The following GTF2A2 variants were observed in gnomAD, a reference collection of about 807,000 sequenced individuals.
GTF2A2 encodes transcription initiation factor IIA subunit 2.
In GTF2A2, 9 loss-of-function variants were observed where a neutral mutation model predicts 14.3. That is an observed-to-expected ratio of 0.63 (90% CI 0.38 to 1.10). GTF2A2 has a LOEUF of 1.10. GTF2A2 is among the 50% of genes least tolerant of loss of function. GTF2A2 has a pLI of 0.01. For synonymous variants in GTF2A2, 56 were observed against 46.0 expected, an observed-to-expected ratio of 1.22 and a Z score of -0.88; for missense variants, 90 against 124.6, an observed-to-expected ratio of 0.72 and a Z score of 1.32.
At position 59,652,240 on chromosome 15, in the gene GTF2A2, T is replaced by C. The variant is rs1485941828; in HGVS notation, c.38A>G (p.Asn13Ser). The C allele has an allele frequency of 6.2e-7, 1 of 1,603,946 alleles. No individual in the cohort carries two copies. Among genetic ancestry groups the C allele is most frequent in the Non-Finnish European group, 8.5e-7 (1 of 1,171,644 alleles). ...YQLYRNTTLG[N>S]SLQESLDELI... ...CTCATCTAGGCTCTCCTGAAGACTG[T>C]TTCCCAAAGTAGTATTTCTGTATAA... Residue 13 changes from asparagine to serine, a missense_variant, in exon 2 of 5, where the codon AAC becomes AGC. Transcript: ENST00000396060.
chr15:59,647,305 C>T (rs1351075341), intron 3 of GTF2A2, among the ~76,000 whole-genome samples: 2 of 152,024 alleles, frequency 1.3e-5, no homozygotes, highest in African/African-American at 2.4e-5. Flanking sequence ...CACTATATTT[C>T]GCAGACTGCT....
rs761515291 is a variant in GTF2A2, at chr15:59,639,166, C to T, written c.305-9G>A. The T allele has an allele frequency of 8.4e-6, 12 of 1,436,996 alleles. No homozygotes were observed. The highest frequency in any genetic ancestry group is 6.7e-5 in the Admixed American group (4 of 59,260). The allele number at this position is 1,436,996 out of a possible 1,614,324, so 89.0% of individuals were successfully genotyped here. Reference sequence around the variant, plus strand: ...AGTATTGGAGCCAGTATCTAGGAAACAAAAGAGAAAGTAAAGTAAAGTAAA... The same window carrying T: ...AGTATTGGAGCCAGTATCTAGGAAATAAAAGAGAAAGTAAAGTAAAGTAAA... On this transcript the variant is annotated splice_polypyrimidine_tract_variant and intron_variant, in intron 4 of 4. Transcript: ENST00000396060.
At chr15:59,653,100 C>A (rs1891842293) in intron 1 of GTF2A2, 1 of 152,236 alleles carries the variant, frequency 6.6e-6, no homozygotes, top group Non-Finnish European at 1.5e-5. Context: ...CTGAAAGAGA[C>A]AGCATAGATG....
chr15:59,647,900 ATGTT>A (rs1412087586), intron 3 of GTF2A2, among the ~76,000 whole-genome samples: 58 of 152,288 alleles, frequency 3.8e-4, no homozygotes, highest in African/African-American at 1.3e-3. Flanking sequence ...TATATAATAA[ATGTT>A]TGTTACAGAA....
chr15:59,642,737 T>C (rs1342518304), intron 3 of GTF2A2, among the ~76,000 whole-genome samples: 1 of 152,222 alleles, frequency 6.6e-6, no homozygotes, highest in Non-Finnish European at 1.5e-5. Flanking sequence ...ACAACATTCA[T>C]TGTCTTGTGC....
intron 4 of GTF2A2, among the ~76,000 whole-genome samples, chr15:59,641,645 C>T (rs1891432303): frequency 6.6e-6 from 1 of 151,082 alleles, no homozygotes; most frequent in African/African-American, 2.5e-5. Flanking sequence ...GAAGAAGTTC[C>T]TAGGTCTGGT....
chr15:59,643,897 C>T (rs1236580911), intron 3 of GTF2A2, among the ~76,000 whole-genome samples: 2 of 148,752 alleles, frequency 1.3e-5, no homozygotes, highest in Non-Finnish European at 3.0e-5. Flanking sequence ...AGCACCCAGC[C>T]TATTTTTATT....
intron 4 of GTF2A2, 27 bp from the exon 5 acceptor site, chr15:59,639,184 A>G (rs1379133586): frequency 2.2e-6 from 3 of 1,340,610 alleles, no homozygotes; most frequent in South Asian, 2.4e-5. Context: ...AAAGTAAAGT[A>G]AAGTAAATTC....
Position 59,643,072 on chromosome 15 carries a change from A to ATT in GTF2A2, c.178-812_178-811dup, listed in dbSNP as rs398043378. 5.2e-3 allele frequency among the ~76,000 whole-genome samples: 330 copies of ATT among 64,054 alleles called. 3 individuals carry two copies. Among genetic ancestry groups the ATT allele is most frequent in the East Asian group, 0.014 (36 of 2,606 alleles). 42.0% of individuals were successfully genotyped at this position (64,054 alleles called of 152,430 possible). ...TGAACCACCGCGCCTGGCCTATATA[A>ATT]TTTTTTTTTTTTTTTTTTTTTTTTT... On this transcript the variant is annotated intron_variant, in intron 3 of 4. Coordinates refer to ENST00000396060, the MANE Select transcript of GTF2A2 (RefSeq NM_004492.3).
At position 59,638,629 on chromosome 15, in the gene GTF2A2, A is replaced by G. The variant is rs1434549246; in HGVS notation, c.*503T>C. ...TCAAGTTGTACTTGGGTTTTTTTAT[A>G]CCAATGATTAACTTTGGTTTTGTAT... On this transcript the variant is annotated 3_prime_UTR_variant, in exon 5 of 5. Coordinates refer to ENST00000396060, the MANE Select transcript of GTF2A2 (RefSeq NM_004492.3). 2 of 152,206 alleles carry G rather than the reference A, an allele frequency of 1.3e-5. No homozygotes were observed. The highest frequency in any genetic ancestry group is 2.9e-5 in the Non-Finnish European group (2 of 68,204). 9.4% of individuals were successfully genotyped at this position (152,206 alleles called of 1,614,324 possible).
chr15:59,643,876 G>T (rs1333295539), intron 3 of GTF2A2, among the ~76,000 whole-genome samples: 2 of 151,416 alleles, frequency 1.3e-5, no homozygotes, highest in Non-Finnish European at 1.5e-5. Context: ...GGAATTACAG[G>T]CGTGAGCCAT....
rs1891275904 is a variant in GTF2A2 at position 59,638,844 on chromosome 15, T to TAATA, written c.*284_*287dup. On this transcript the variant is annotated 3_prime_UTR_variant, in exon 5 of 5. Transcript: ENST00000396060. The stretch of plus-strand genomic sequence containing the variant: ...ATCTAATATCTTCATATTGCTACCT[T>TAATA]AATAGCTTCACCAGTTATTACTCAG... 1 of 322,712 alleles carries TAATA rather than the reference T, an allele frequency of 3.1e-6. No homozygotes were observed. Among genetic ancestry groups the TAATA allele is most frequent in the South Asian group, 4.3e-5 (1 of 23,512 alleles). 20.0% of individuals were successfully genotyped at this position (322,712 alleles called of 1,614,324 possible). A position where few individuals can be genotyped will look rare whatever the true frequency, so the allele number is the denominator to read the frequency against.
chr15:59,646,594 G>T (rs1347189149), intron 3 of GTF2A2, among the ~76,000 whole-genome samples: 1 of 152,152 alleles, frequency 6.6e-6, no homozygotes, highest in Non-Finnish European at 1.5e-5. Context: ...ATGTAGATTG[G>T]AGTGAAAAAT....
intron 1 of GTF2A2, among the ~76,000 whole-genome samples, chr15:59,654,892 C>G (rs147340527): frequency 6.6e-6 from 1 of 152,138 alleles, no homozygotes; most frequent in Non-Finnish European, 1.5e-5. Flanking sequence ...ACCCCAAATT[C>G]AAGCTCTGAA....
At chr15:59,651,685 G>A (rs1410028406) in intron 2 of GTF2A2, 1 of 152,062 alleles carries the variant, frequency 6.6e-6, no homozygotes, top group Non-Finnish European at 1.5e-5. Flanking sequence ...AATTTTTGAA[G>A]ATTTAACTTT....
In GTF2A2 at chr15:59,639,040, C is replaced by CAATTCTAGAATAAATAAA; in HGVS notation, c.*74_*91dup. 1.3e-6 allele frequency: 1 copy of CAATTCTAGAATAAATAAA among 787,158 alleles called. No homozygotes were observed. Among genetic ancestry groups the CAATTCTAGAATAAATAAA allele is most frequent in the Non-Finnish European group, 2.2e-6 (1 of 445,126 alleles). 48.8% of individuals were successfully genotyped at this position (787,158 alleles called of 1,614,324 possible). A position where few individuals can be genotyped will look rare whatever the true frequency, so the allele number is the denominator to read the frequency against. On this transcript the variant is annotated 3_prime_UTR_variant, in exon 5 of 5. Transcript: ENST00000396060. ...GTATAGCACAGTGTAGTCATTTCTG[C>CAATTCTAGAATAAATAAA]AATTCTAGAATAAATAAAAAGTCTC...
At chr15:59,639,818 T>C (rs1871505) in intron 4 of GTF2A2, among the ~76,000 whole-genome samples, 54,265 of 151,466 alleles carry the variant, frequency 0.36, 10,587 homozygotes, top group Non-Finnish European at 0.45. Context: ...TAGCGCAATC[T>C]CAGCTCACTG....
At chr15:59,648,891 G>T (rs907588904) in intron 3 of GTF2A2, among the ~76,000 whole-genome samples, 1 of 151,974 alleles carries the variant, frequency 6.6e-6, no homozygotes, top group African/African-American at 2.4e-5. Flanking sequence ...CCAAGATCTC[G>T]CCACTGCACT....
intron 1 of GTF2A2, chr15:59,656,886 CCTT>C (rs1488394920): frequency 1.3e-5 from 2 of 152,094 alleles, no homozygotes; most frequent in Non-Finnish European, 1.5e-5. Flanking sequence ...TTTATTGTTC[CCTT>C]CTTGTTTTGC....
Sources: allele counts gnomAD v4.1 joint callset (sites outside exome capture counted in the v4.1 genomes callset), GRCh38; gene constraint gnomAD v4.1.1; transcripts MANE v1.5; gene names NCBI Gene and HGNC (gene_info 2026-07-23, HGNC 2026-07-21).